Variants in OTUD7B observed in about 807,000 individuals in gnomAD.
The protein encoded by OTUD7B is OTU domain-containing protein 7B.
A neutral mutation model predicts 82.2 loss-of-function variants in OTUD7B; 34 were observed. The observed-to-expected ratio is 0.41, with a 90% CI of 0.31 to 0.55. OTUD7B has a LOEUF of 0.55. Among genes scored for constraint, OTUD7B ranks in the 20% least tolerant of loss-of-function variants. The pLI is 0.20. For missense variants in OTUD7B, 944 were observed against 1,062.1 expected, an observed-to-expected ratio of 0.89 and a Z score of 1.55; for synonymous variants, 398 against 402.7, an observed-to-expected ratio of 0.99 and a Z score of 0.14.
rs1246239923 is a variant in OTUD7B at position 149,944,055 on chromosome 1, G to A, written c.2334C>T (p.Gly778=). The A allele has an allele frequency of 6.2e-7, 1 of 1,614,222 alleles. No individual in the cohort carries two copies. Among genetic ancestry groups the A allele is most frequent in the Non-Finnish European group, 8.5e-7 (1 of 1,180,026 alleles). The change falls in exon 12 of 12, where the codon GGC becomes GGT. Residue 778 remains glycine (G), a synonymous_variant. Coordinates refer to ENST00000581312, the MANE Select transcript of OTUD7B (RefSeq NM_020205.4). ...PYRVADSYSN[G]YREPPEPDGW... is the part of the protein sequence containing the mutation. Reference sequence around the variant, plus strand: ...CATCTGGCTCAGGGGGCTCTCTGTAGCCATTGCTATAGGAATCAGCCACTC... The same window carrying A: ...CATCTGGCTCAGGGGGCTCTCTGTAACCATTGCTATAGGAATCAGCCACTC...
the OTUD7B span, among the ~76,000 whole-genome samples, chr1:150,046,227 A>G: frequency 1.3e-5 from 2 of 152,034 alleles, no homozygotes; most frequent in Non-Finnish European, 2.9e-5. Flanking sequence ...GAGAAATGCA[A>G]TCTTCCCCCA....
At chr1:149,958,321 C>CGT (rs1648865639) in intron 7 of OTUD7B, among the ~76,000 whole-genome samples, 1 of 42,438 alleles carries the variant, frequency 2.4e-5, no homozygotes, top group Non-Finnish European at 4.3e-5. Context: ...TAAAGGACTA[C>CGT]CTTTTTTTTT....
At chr1:149,968,916 A>C (rs1649708410) in intron 3 of OTUD7B, among the ~76,000 whole-genome samples, 1 of 151,682 alleles carries the variant, frequency 6.6e-6, no homozygotes. Flanking sequence ...GTTTCTCCAC[A>C]TTGGTCAGGC....
chr1:150,003,547 C>T (rs1266335452), intron 1 of OTUD7B, among the ~76,000 whole-genome samples: 1 of 152,170 alleles, frequency 6.6e-6, no homozygotes, highest in Non-Finnish European at 1.5e-5. Context: ...GGCTCCCACT[C>T]TCCCTGCTGC....
chr1:149,943,868 G>A lies in OTUD7B; in HGVS notation c.2521C>T (p.His841Tyr). The A allele has an allele frequency of 6.2e-7, 1 of 1,614,048 alleles. No homozygotes were observed. The highest frequency in any genetic ancestry group is 1.1e-5 in the South Asian group (1 of 91,078). The stretch of plus-strand genomic sequence containing the variant: ...AGTGTTCCACCCGTTCAGAACCTGT[G>A]CACCAGGAGCTCCCCATCCGGTTCC... ...EREPDGELLV[H>Y]RF is the part of the protein sequence containing the mutation. The change falls in exon 12 of 12, where the codon CAC becomes TAC. Residue 841 changes from histidine to tyrosine, a missense_variant. His to Tyr is a moderately conservative substitution (Grantham distance 83). Transcript: ENST00000581312.
chr1:150,036,255 A>G, the OTUD7B span, among the ~76,000 whole-genome samples: 1 of 116,802 alleles, frequency 8.6e-6, no homozygotes, highest in East Asian at 2.5e-4. Flanking sequence ...TGCCCAGTTC[A>G]TTGTAACTTT....
chr1:150,062,996 G>C, the OTUD7B span, among the ~76,000 whole-genome samples: 2 of 151,096 alleles, frequency 1.3e-5, no homozygotes, highest in Non-Finnish European at 2.9e-5. Flanking sequence ...TTACAGGCGT[G>C]ACCCACCAAG....
chr1:150,013,077 A>C (rs1653144543), upstream of OTUD7B, among the ~76,000 whole-genome samples: 1 of 152,260 alleles, frequency 6.6e-6, no homozygotes, highest in Non-Finnish European at 1.5e-5. Context: ...CATTGGCAGC[A>C]GCCAGAACAC....
chr1:150,015,290 C>T (rs1383249716), upstream of OTUD7B, among the ~76,000 whole-genome samples: 5 of 128,972 alleles, frequency 3.9e-5, no homozygotes, highest in East Asian at 2.2e-4. Flanking sequence ...TTTTCTTTCT[C>T]TTTTTTTTTT....
At chr1:150,027,727 T>C in the OTUD7B span, among the ~76,000 whole-genome samples, 1 of 145,916 alleles carries the variant, frequency 6.9e-6, no homozygotes, top group Non-Finnish European at 1.5e-5. Flanking sequence ...GGATAACTGC[T>C]AAAAAAAAAA....
the OTUD7B span, among the ~76,000 whole-genome samples, chr1:150,042,653 GC>G: frequency 2.0e-5 from 3 of 152,144 alleles, no homozygotes; most frequent in Admixed American, 2.0e-4. Flanking sequence ...TGAGCAGCAT[GC>G]CCTCATTTCA....
chr1:150,063,993 A>ATTT, the OTUD7B span, among the ~76,000 whole-genome samples: 34 of 152,354 alleles, frequency 2.2e-4, no homozygotes, highest in African/African-American at 7.9e-4. Flanking sequence ...ATACAAGATC[A>ATTT]AGTCTTAATG....
chr1:150,055,369 T>C, the OTUD7B span, among the ~76,000 whole-genome samples: 1 of 83,846 alleles, frequency 1.2e-5, no homozygotes, highest in African/African-American at 4.9e-5. Flanking sequence ...AAGAATCTAA[T>C]TAAATAACTG....
the OTUD7B span, among the ~76,000 whole-genome samples, chr1:150,046,614 A>ATTTTT: frequency 7.4e-6 from 1 of 135,446 alleles, no homozygotes; most frequent in African/African-American, 2.7e-5. Flanking sequence ...CACCTGGCTA[A>ATTTTT]TTTTTTTTTT....
chr1:149,999,685 G>A (rs910504675), intron 1 of OTUD7B, among the ~76,000 whole-genome samples: 2 of 152,198 alleles, frequency 1.3e-5, no homozygotes, highest in Non-Finnish European at 2.9e-5. Flanking sequence ...GCAACATAGT[G>A]AGACCCTGTC....
upstream of OTUD7B, among the ~76,000 whole-genome samples, chr1:150,013,883 C>G (rs1553787888): frequency 1.4e-5 from 2 of 138,884 alleles, no homozygotes; most frequent in Admixed American, 7.4e-5. Context: ...GATCGCGCCA[C>G]TGCACTCCAG....
At chr1:150,056,404 T>C in the OTUD7B span, among the ~76,000 whole-genome samples, 1 of 152,288 alleles carries the variant, frequency 6.6e-6, no homozygotes, top group African/African-American at 2.4e-5. Flanking sequence ...ACATGATAAA[T>C]ATTTTTATAT....
At chr1:149,967,872 G>C (rs587666348) in intron 3 of OTUD7B, among the ~76,000 whole-genome samples, 11 of 152,244 alleles carry the variant, frequency 7.2e-5, no homozygotes, top group Non-Finnish European at 1.2e-4. Flanking sequence ...TGGGAGGAGA[G>C]GGAATAAGGG....
chr1:150,054,876 G>T, the OTUD7B span: 1 of 190,188 alleles, frequency 5.3e-6, no homozygotes, highest in South Asian at 8.5e-5. Flanking sequence ...GTTCCATATA[G>T]AAAGAGAAAT....
Sources: allele counts gnomAD v4.1 joint callset (sites outside exome capture counted in the v4.1 genomes callset), GRCh38; gene constraint gnomAD v4.1.1; transcripts MANE v1.5; gene names NCBI Gene and HGNC (gene_info 2026-07-23, HGNC 2026-07-21).